The following ZFHX3 variants were observed in gnomAD, a reference collection of about 807,000 sequenced individuals.
The protein encoded by ZFHX3 is zinc finger homeobox protein 3.
ZFHX3 carries 42 observed loss-of-function variants against 279.1 expected under a neutral mutation model. The ratio of observed to expected loss-of-function variants is 0.15; its 90% CI spans 0.12 to 0.19. The LOEUF is 0.19. Ranked by LOEUF, ZFHX3 falls within the 10% of genes least tolerant of loss-of-function variation. The probability of loss-of-function intolerance (pLI) is 1.00; values close to 1 mark genes in which losing one functional copy is unlikely to be tolerated. For missense variants in ZFHX3, 4,981 were observed against 4,754.0 expected (o/e 1.05, Z -1.40); for synonymous variants, 2,293 against 1,957.8 (o/e 1.17, Z -4.52).
intron 1 of ZFHX3, among the ~76,000 whole-genome samples, chr16:72,973,988 G>T (rs1304467660): frequency 1.3e-5 from 2 of 152,210 alleles, no homozygotes; most frequent in Non-Finnish European, 2.9e-5. Flanking sequence ...TAGTTTAATA[G>T]AAAGATGAGT....
intron 1 of ZFHX3, among the ~76,000 whole-genome samples, chr16:73,781,970 G>A (rs916310972): frequency 6.6e-6 from 1 of 152,174 alleles, no homozygotes; most frequent in African/African-American, 2.4e-5. Flanking sequence ...CAGGGCGAAA[G>A]AGCGAGACTC....
chr16:73,770,722 T>C (rs985689455), intron 1 of ZFHX3, among the ~76,000 whole-genome samples: 2 of 152,212 alleles, frequency 1.3e-5, no homozygotes, highest in East Asian at 3.8e-4. Context: ...ACATCTCCAA[T>C]GAATTGTCTT....
At chr16:73,312,950 C>A (rs1409699417) in intron 4 of ZFHX3, among the ~76,000 whole-genome samples, 1 of 152,156 alleles carries the variant, frequency 6.6e-6, no homozygotes, top group Non-Finnish European at 1.5e-5. Flanking sequence ...TTGTCCAAGG[C>A]CAAAAATGGG....
chr16:73,866,524 G>A (rs1488668208), intron 1 of ZFHX3, among the ~76,000 whole-genome samples: 1 of 152,028 alleles, frequency 6.6e-6, no homozygotes. Context: ...GAAAACTCAT[G>A]AAAAGTCCAT....
At chr16:72,834,577 C>T (rs914811606) in intron 4 of ZFHX3, among the ~76,000 whole-genome samples, 2 of 152,162 alleles carry the variant, frequency 1.3e-5, no homozygotes, top group Admixed American at 6.5e-5. Flanking sequence ...CTGCACAATT[C>T]CCCCATCGGT....
chr16:73,744,866 A>G (rs1269734158), intron 1 of ZFHX3, among the ~76,000 whole-genome samples: 1 of 152,106 alleles, frequency 6.6e-6, no homozygotes, highest in Non-Finnish European at 1.5e-5. Context: ...CAGGAACCCA[A>G]TTTTTCAAGA....
intron 4 of ZFHX3, among the ~76,000 whole-genome samples, chr16:72,846,853 A>G (rs571871329): frequency 2.0e-5 from 3 of 152,304 alleles, no homozygotes; most frequent in Non-Finnish European, 2.9e-5. Context: ...GTGAAGAAAC[A>G]CAAAGAGGGG....
Position 73,467,598 on chromosome 16 carries a change from T to C in ZFHX3, c.-1546-11340A>G, listed in dbSNP as rs557058323. Among the ~76,000 whole-genome samples, 4 of 152,352 alleles carry C rather than the reference T, an allele frequency of 2.6e-5. No homozygotes were observed. In the East Asian group the frequency reaches 7.7e-4, roughly 29 times the overall value. ...TGGGCAGATTGTGATAAATCAAGTATATTCCATTGTTAACAATTGAACGTA... is the reference window on the plus strand; with the variant it reads ...TGGGCAGATTGTGATAAATCAAGTACATTCCATTGTTAACAATTGAACGTA... On this transcript the variant is annotated intron_variant, in intron 2 of 17. Coordinates refer to the ZFHX3 transcript ENST00000641206.
chr16:73,196,674 G>A (rs971149025), intron 5 of ZFHX3, among the ~76,000 whole-genome samples: 2 of 152,078 alleles, frequency 1.3e-5, no homozygotes, highest in Non-Finnish European at 2.9e-5. Flanking sequence ...ATGAAAATGT[G>A]CCATATTTGA....
intron 4 of ZFHX3, among the ~76,000 whole-genome samples, chr16:73,286,254 C>A (rs1301405922): frequency 3.3e-5 from 5 of 152,122 alleles, no homozygotes; most frequent in Non-Finnish European, 7.3e-5. Flanking sequence ...AATGGAACAA[C>A]GGCCCCAGAG....
Position 72,786,673 on chromosome 16 carries a change from G to A in ZFHX3, c.*491C>T, listed in dbSNP as rs1030059816. On this transcript the variant is annotated 3_prime_UTR_variant, in exon 10 of 10. Coordinates refer to ENST00000268489, the MANE Select transcript of ZFHX3 (RefSeq NM_006885.4). ...TGAGCGATTGACCTGAGAATAAAAA[G>A]ACATTACATTTCTTTTTTTCTTTTA... 3 of 150,740 alleles carry A rather than the reference G, an allele frequency of 2.0e-5. No homozygotes were observed. The highest frequency in any genetic ancestry group is 4.4e-5 in the Non-Finnish European group (3 of 67,740). 9.3% of individuals were successfully genotyped at this position (150,740 alleles called of 1,614,324 possible).
chr16:73,155,401 G>A (rs1199608070), intron 5 of ZFHX3, among the ~76,000 whole-genome samples: 5 of 152,074 alleles, frequency 3.3e-5, no homozygotes, highest in Non-Finnish European at 7.4e-5. Flanking sequence ...TTGCCCAAGA[G>A]GAAACAGAGT....
At position 72,958,337 on chromosome 16, in the gene ZFHX3, T is replaced by C; in HGVS notation, c.1809A>G (p.Pro603=). Residue 603 remains proline (P), a synonymous_variant, in exon 2 of 10, where the codon CCA becomes CCG. Coordinates refer to ENST00000268489, the MANE Select transcript of ZFHX3 (RefSeq NM_006885.4). ...ESANKDNATA[P]EPNESTEGDD... is the part of the protein sequence containing the mutation. ...CACCCTCTGTGCTTTCATTTGGTTC[T>C]GGTGCTGTGGCATTGTCTTTATTGG... 2.5e-6 allele frequency: 4 copies of C among 1,614,094 alleles called. No homozygotes were observed. Among genetic ancestry groups the C allele is most frequent in the Non-Finnish European group, 2.5e-6 (3 of 1,179,934 alleles).
chr16:73,707,989 T>G (rs2053321369), intron 1 of ZFHX3, among the ~76,000 whole-genome samples: 1 of 151,808 alleles, frequency 6.6e-6, no homozygotes, highest in African/African-American at 2.4e-5. Flanking sequence ...TGGCAAAATA[T>G]TCAGATTTGG....
At chr16:73,869,238 A>T (rs978807939) in intron 1 of ZFHX3, among the ~76,000 whole-genome samples, 1 of 152,208 alleles carries the variant, frequency 6.6e-6, no homozygotes, top group African/African-American at 2.4e-5. Context: ...TGTTTTAGAA[A>T]AGACAGCATT....
At chr16:73,478,406 T>C (rs563017034) in intron 2 of ZFHX3, among the ~76,000 whole-genome samples, 2 of 152,300 alleles carry the variant, frequency 1.3e-5, no homozygotes, top group South Asian at 2.1e-4. Flanking sequence ...CCTGCTAGTT[T>C]ATTTTAATGC....
intron 2 of ZFHX3, among the ~76,000 whole-genome samples, chr16:73,513,537 A>G (rs2019468928): frequency 6.6e-6 from 1 of 152,204 alleles, no homozygotes. Flanking sequence ...TGAACTATAC[A>G]GGATCTGATA....
intron 2 of ZFHX3, among the ~76,000 whole-genome samples, chr16:73,469,679 G>A (rs549944073): frequency 6.6e-5 from 10 of 152,066 alleles, no homozygotes; most frequent in South Asian, 2.1e-4. Flanking sequence ...GTGCAGTGGC[G>A]TGATCTCGAC....
intron 2 of ZFHX3, among the ~76,000 whole-genome samples, chr16:73,592,299 C>T (rs1597016411): frequency 1.3e-5 from 2 of 152,184 alleles, no homozygotes; most frequent in African/African-American, 4.8e-5. Context: ...TGCAGAGATA[C>T]TCAGATGGTT....
Sources: allele counts gnomAD v4.1 joint callset (sites outside exome capture counted in the v4.1 genomes callset), GRCh38; gene constraint gnomAD v4.1.1; transcripts MANE v1.5; gene names NCBI Gene and HGNC (gene_info 2026-07-23, HGNC 2026-07-21).